Variants in WDR70 observed in about 807,000 individuals in gnomAD.
WDR70 encodes the protein WD repeat-containing protein 70.
In WDR70, 53 loss-of-function variants were observed where a neutral mutation model predicts 88.6. That is an observed-to-expected ratio of 0.60 (90% CI 0.48 to 0.75). WDR70 has a LOEUF of 0.75. Among genes scored for constraint, WDR70 ranks in the 30% least tolerant of loss-of-function variants. WDR70 has a pLI of 0.00. For missense variants in WDR70, 610 were observed against 823.2 expected (o/e 0.74, Z 3.17); for synonymous variants, 280 against 270.0 (o/e 1.04, Z -0.36).
At chr5:37,535,572 C>G (rs78630398) in intron 9 of WDR70, among the ~76,000 whole-genome samples, 4 of 151,944 alleles carry the variant, frequency 2.6e-5, no homozygotes, top group Non-Finnish European at 5.9e-5. Flanking sequence ...GACTCTTGCT[C>G]CTCTCTGGAA....
At chr5:37,664,123 A>C (rs1301514761) in intron 10 of WDR70, among the ~76,000 whole-genome samples, 1 of 152,022 alleles carries the variant, frequency 6.6e-6, no homozygotes, top group Non-Finnish European at 1.5e-5. Flanking sequence ...TCAAGCCCTC[A>C]CCTAGAACAC....
Position 37,597,587 on chromosome 5 carries a change from C to T in WDR70, c.918-7477C>T, listed in dbSNP as rs754227058. On this transcript the variant is annotated intron_variant, in intron 9 of 17. Coordinates refer to ENST00000265107, the MANE Select transcript of WDR70 (RefSeq NM_018034.4). ...CAGAGCTTTTTAGATATTCTGGATACAAGTTAACACAAGCGTGGGTTTTTA... is the reference window on the plus strand; with the variant it reads ...CAGAGCTTTTTAGATATTCTGGATATAAGTTAACACAAGCGTGGGTTTTTA... 3.9e-5 allele frequency among the ~76,000 whole-genome samples: 6 copies of T among 152,118 alleles called. No individual in the cohort carries two copies. The South Asian group carries it at 1.2e-3, about 32-fold the overall frequency.
chr5:37,602,974 T>TA (rs895914016), intron 9 of WDR70, among the ~76,000 whole-genome samples: 8 of 150,366 alleles, frequency 5.3e-5, no homozygotes, highest in African/African-American at 7.3e-5. Flanking sequence ...GAGACTGTCT[T>TA]AAAAAAAAAT....
At chr5:37,623,160 T>C (rs2112509169) in intron 10 of WDR70, among the ~76,000 whole-genome samples, 2 of 152,308 alleles carry the variant, frequency 1.3e-5, no homozygotes, top group African/African-American at 2.4e-5. Context: ...TTCAAAAATA[T>C]ACCTTTCTCA....
chr5:37,725,424 C>G (rs1747942621), intron 16 of WDR70, among the ~76,000 whole-genome samples: 1 of 151,952 alleles, frequency 6.6e-6, no homozygotes, highest in Admixed American at 6.6e-5. Flanking sequence ...TGACCAGAAT[C>G]CAGGCTGGAT....
chr5:37,416,370 G>A (rs1749750409), intron 5 of WDR70, among the ~76,000 whole-genome samples: 1 of 152,130 alleles, frequency 6.6e-6, no homozygotes, highest in South Asian at 2.1e-4. Context: ...AACCAGTCAG[G>A]CGTGGCGGCG....
chr5:37,520,029 A>G (rs1741037473), intron 9 of WDR70, among the ~76,000 whole-genome samples: 1 of 151,640 alleles, frequency 6.6e-6, no homozygotes, highest in African/African-American at 2.4e-5. Flanking sequence ...CTATTGTTAT[A>G]TTATATGATT....
intron 11 of WDR70, 181 bp downstream of exon 11, chr5:37,697,935 A>C (rs1747031150): frequency 2.0e-6 from 1 of 511,710 alleles, no homozygotes; most frequent in South Asian, 3.0e-5. Flanking sequence ...TGTATTAAAA[A>C]TTACCAAGTA....
At chr5:37,465,083 T>A (rs1056950478) in intron 7 of WDR70, among the ~76,000 whole-genome samples, 11 of 152,198 alleles carry the variant, frequency 7.2e-5, no homozygotes, top group Non-Finnish European at 1.6e-4. Context: ...AGTCCATAGG[T>A]GTTTTCCTTA....
intron 5 of WDR70, among the ~76,000 whole-genome samples, chr5:37,427,138 C>G (rs1226112982): frequency 6.6e-6 from 1 of 152,120 alleles, no homozygotes; most frequent in African/African-American, 2.4e-5. Context: ...GCCTATAATC[C>G]CAACACTTTG....
intron 3 of WDR70, among the ~76,000 whole-genome samples, chr5:37,383,571 CATTATT>C (rs1432459897): frequency 6.8e-6 from 1 of 146,330 alleles, no homozygotes; most frequent in Non-Finnish European, 1.5e-5. Context: ...CAAAACCCAT[CATTATT>C]ATTATTATTG....
intron 7 of WDR70, among the ~76,000 whole-genome samples, chr5:37,463,060 T>G (rs1739056846): frequency 6.6e-6 from 1 of 150,932 alleles, no homozygotes; most frequent in Non-Finnish European, 1.5e-5. Context: ...GAACACGAGG[T>G]CAGGAGTTTG....
At chr5:37,390,341 T>TTA (rs1168958849) in intron 3 of WDR70, among the ~76,000 whole-genome samples, 24 of 652 alleles carry the variant, frequency 0.037, no homozygotes, top group African/African-American at 0.042. Context: ...ATAATATAAA[T>TTA]TTTTTTTTTT....
At position 37,605,235 on chromosome 5, in the gene WDR70, G is replaced by T; in HGVS notation, c.1089G>T (p.Leu363Phe). 1.9e-6 allele frequency: 3 copies of T among 1,591,072 alleles called. No individual in the cohort carries two copies. Among genetic ancestry groups the T allele is most frequent in the African/African-American group, 2.7e-5 (2 of 74,086 alleles). Residue 363 changes from leucine to phenylalanine, a missense_variant, in exon 10 of 18, where the codon TTG becomes TTT. Coordinates refer to ENST00000265107, the MANE Select transcript of WDR70 (RefSeq NM_018034.4). ...GCATACAGATCTGGGACCGAAATTT[G>T]ACTGTAAGTTAAATCTTTTCTTAGA... is the stretch of plus-strand genomic sequence containing the variant. ...NGSIQIWDRN[L>F]TVHPKFHYKQ...
At chr5:37,687,896 CTT>C (rs1485606522) in intron 10 of WDR70, 1 of 673,562 alleles carries the variant, frequency 1.5e-6, no homozygotes, top group Middle Eastern at 2.3e-4. Context: ...AATACCATCT[CTT>C]TTCTTCTCCA....
intron 10 of WDR70, among the ~76,000 whole-genome samples, chr5:37,691,716 T>G (rs993936569): frequency 3.9e-5 from 6 of 152,128 alleles, no homozygotes; most frequent in Non-Finnish European, 7.4e-5. Context: ...AAGCAGTGTG[T>G]AAAGGGAAAT....
At chr5:37,645,040 C>T (rs1401013124) in intron 10 of WDR70, among the ~76,000 whole-genome samples, 3 of 151,586 alleles carry the variant, frequency 2.0e-5, no homozygotes, top group Non-Finnish European at 4.4e-5. Context: ...TTTGCTCTTG[C>T]TTTTCTTGTT....
chr5:37,752,383 T>G, intron 17 of WDR70, 103 bp from the exon 18 acceptor site: 1 of 718,002 alleles, frequency 1.4e-6, no homozygotes, highest in Non-Finnish European at 2.3e-6. Flanking sequence ...TGAGTTGTAA[T>G]TTATTCCCCA....
intron 5 of WDR70, among the ~76,000 whole-genome samples, chr5:37,397,409 C>T (rs536559878): frequency 6.7e-6 from 1 of 148,712 alleles, no homozygotes; most frequent in Non-Finnish European, 1.5e-5. Context: ...GCAGAGGTTG[C>T]AGTGAGCTGA....
Sources: allele counts gnomAD v4.1 joint callset (sites outside exome capture counted in the v4.1 genomes callset), GRCh38; gene constraint gnomAD v4.1.1; transcripts MANE v1.5; gene names NCBI Gene and HGNC (gene_info 2026-07-23, HGNC 2026-07-21).